HELZ2: variants seen among roughly 807,000 people sequenced by gnomAD.
HELZ2 encodes the protein helicase with zinc finger 2.
In HELZ2, 143 loss-of-function variants were observed where a neutral mutation model predicts 208.8. The ratio of observed to expected loss-of-function variants is 0.68; its 90% CI spans 0.60 to 0.79. The LOEUF is 0.79. HELZ2 is among the 30% of genes least tolerant of loss of function. HELZ2 has a pLI of 0.00. For synonymous variants in HELZ2, 1,705 were observed against 1,693.7 expected (o/e 1.01, Z -0.16); for missense variants, 3,690 against 3,794.5 (o/e 0.97, Z 0.72).
chr20:63,563,375 G>C, exon 8 of HELZ2: 3 of 1,537,208 alleles, frequency 2.0e-6, no homozygotes, highest in Non-Finnish European at 1.7e-6. Flanking sequence ...GTGTGGGTCC[G>C]GCACAGTGCC....
At chr20:63,572,581 C>T (rs2083026139), upstream of HELZ2, 1 of 585,114 alleles carries the variant, frequency 1.7e-6, no homozygotes, top group East Asian at 3.0e-5. Flanking sequence ...CAGGGCACTG[C>T]CCCTGGGGGT....
At position 63,563,748 on chromosome 20, in the gene HELZ2, C is replaced by G; in HGVS notation, c.5074G>C (p.Gly1692Arg). The G allele has an allele frequency of 1.2e-6, 2 of 1,600,862 alleles. No individual in the cohort carries two copies. The highest frequency in any genetic ancestry group is 1.7e-4 in the Middle Eastern group (1 of 6,048). Residue 1692 changes from glycine (G) to arginine (R), a missense_variant, in exon 8 of 19, where the codon GGC becomes CGC. By Grantham distance (125) the Gly-to-Arg change is moderately radical (BLOSUM62 -2). This residue lies in a region of HELZ2 where 2,564 missense variants were observed against 2,580.5 expected (regional missense o/e 0.99). Transcript: ENST00000467148. ...GCAGAGTAGGCAGAGCCCCCATGGC[C>G]CAGCGCCAGCAGGATCTGCCGCTGC...
chr20:63,570,965 G>T, intron 1 of HELZ2, 97 bp from the exon 3 acceptor site: 1 of 957,558 alleles, frequency 1.0e-6, no homozygotes. Flanking sequence ...GCCTCTGTAG[G>T]GAGCAGGGGC....
chr20:63,571,050 T>C (rs2083011428), intron 1 of HELZ2, 182 bp from the exon 3 acceptor site: 1 of 555,548 alleles, frequency 1.8e-6, no homozygotes, highest in Non-Finnish European at 3.2e-6. Flanking sequence ...GAACCTCCCT[T>C]ATCCGGGTCC....
intron 16 of HELZ2, 74 bp from the exon 18 acceptor site, chr20:63,560,401 T>C: frequency 6.3e-7 from 1 of 1,586,166 alleles, no homozygotes; most frequent in Non-Finnish European, 8.5e-7. Context: ...CCTCCCTGAC[T>C]CACAAGCACC....
In HELZ2 at chr20:63,563,316, C is replaced by T. The variant is rs1347345323; in HGVS notation, c.5506G>A (p.Glu1836Lys). 3.9e-6 allele frequency: 6 copies of T among 1,542,194 alleles called. No homozygotes were observed. The East Asian group carries it at 1.5e-4, about 37-fold the overall frequency. Reference sequence around the variant, plus strand: ...GCCGCCTCCGGCCAGCGCTGCAGCTCCACCAGCTCCAGCAGCTGCTTCCAC... The same window carrying T: ...GCCGCCTCCGGCCAGCGCTGCAGCTTCACCAGCTCCAGCAGCTGCTTCCAC... The change falls in exon 8 of 19, where the codon GAG (glutamate) becomes AAG (lysine). Residue 1836 changes from glutamate (E) to lysine (K), a missense_variant. Physicochemically the swap from Glu to Lys is moderately conservative, Grantham distance 56 (BLOSUM62 1). Around this residue, in one of 3 missense-constraint regions of HELZ2, gnomAD observed 2,564 missense variants for 2,580.5 expected, o/e 0.99. Coordinates refer to ENST00000467148, the Ensembl canonical transcript of HELZ2.
At chr20:63,559,212 C>A in exon 19 of HELZ2, 1 of 1,491,418 alleles carries the variant, frequency 6.7e-7, no homozygotes, top group Non-Finnish European at 9.0e-7. Context: ...ACTTTCCCTC[C>A]CAGTCCTGGC....
At chr20:63,565,520 G>T (rs1284621382) in exon 8 of HELZ2, 1 of 1,606,648 alleles carries the variant, frequency 6.2e-7, no homozygotes, top group Non-Finnish European at 8.5e-7. Flanking sequence ...CAGGGACTCG[G>T]GCCTGGCGAC....
exon 10 of HELZ2, chr20:63,562,160 G>A (rs376284802): frequency 2.2e-5 from 36 of 1,611,704 alleles, no homozygotes; most frequent in Admixed American, 1.0e-4. Context: ...GGCGGCCTCC[G>A]GGGATGTTGT....
intron 16 of HELZ2, 38 bp from the exon 18 acceptor site, chr20:63,560,365 GTC>G (rs1452047095): frequency 6.6e-7 from 1 of 1,513,996 alleles, no homozygotes; most frequent in Non-Finnish European, 8.8e-7. Flanking sequence ...GGACCCTGGT[GTC>G]TCTCCTGCCC....
At position 63,567,637 on chromosome 20, in the gene HELZ2, G is replaced by T; in HGVS notation, c.1731-10C>A. ...GTAGATGTCGGCGGCACTGCGGGAG[G>T]GGGAGGAGCTCATGGGCTTCTTGCT... On this transcript the variant is annotated splice_polypyrimidine_tract_variant and intron_variant, in intron 5 of 18. Coordinates refer to ENST00000467148, the Ensembl canonical transcript of HELZ2. 1 of 1,596,638 alleles carries T rather than the reference G, an allele frequency of 6.3e-7. No individual in the cohort carries two copies. The highest frequency in any genetic ancestry group is 8.5e-7 in the Non-Finnish European group (1 of 1,174,024).
chr20:63,562,951 C>A, exon 8 of HELZ2: 2 of 1,590,260 alleles, frequency 1.3e-6, no homozygotes, highest in Non-Finnish European at 1.7e-6. Context: ...TCTCGGCAAC[C>A]GCGCCGGTGG....
rs778319946 is a variant in HELZ2, at chr20:63,561,069, C to G, written c.7146+13G>C. The G allele has an allele frequency of 2.5e-6, 4 of 1,605,976 alleles. No homozygotes were observed. Among genetic ancestry groups the G allele is most frequent in the South Asian group, 1.1e-5 (1 of 90,270 alleles). On this transcript the variant is annotated intron_variant, in intron 14 of 18. Coordinates refer to ENST00000467148, the Ensembl canonical transcript of HELZ2. ...ACGCCTGCTCATGCTGCCCACACCC[C>G]CCGCCGACCAACCTTCTCGGCCTGT...
chr20:63,571,141 TACG>T (rs2083011967), intron 1 of HELZ2: 5 of 423,430 alleles, frequency 1.2e-5, no homozygotes, highest in Non-Finnish European at 2.1e-5. Flanking sequence ...TGGCTCTGCC[TACG>T]GTGGGCTCCT....
At position 63,559,340 on chromosome 20, in the gene HELZ2, A is replaced by AG; in HGVS notation, c.7855dup (p.Leu2619ProfsTer4). On this transcript the variant is annotated frameshift_variant, in exon 19 of 19. Transcript: ENST00000467148. LOFTEE classifies it low-confidence loss of function (END_TRUNC). Reference sequence around the variant, plus strand: ...GCAGAAGTCCAGGAGGCTACGCCAGAGGGGGCAGCAGCGCAGAAGGAGGTG... The same window carrying AG: ...GCAGAAGTCCAGGAGGCTACGCCAGAGGGGGGCAGCAGCGCAGAAGGAGGTG... 6.2e-7 allele frequency: 1 copy of AG among 1,602,110 alleles called. No homozygotes were observed. The highest frequency in any genetic ancestry group is 1.1e-5 in the South Asian group (1 of 89,928).
At chr20:63,565,960 A>C (rs759272766) in exon 8 of HELZ2, 1 of 1,598,034 alleles carries the variant, frequency 6.3e-7, no homozygotes, top group Non-Finnish European at 8.5e-7. Context: ...TCTGCGCCAC[A>C]CCCTGCTCGA....
chr20:63,559,009 G>A (rs553070918), downstream of HELZ2: 48 of 466,654 alleles, frequency 1.0e-4, no homozygotes, highest in African/African-American at 8.7e-4. Flanking sequence ...TCCCAAGGAA[G>A]CCCCTCTTGG....
chr20:63,565,673 T>C (rs2082945835), exon 8 of HELZ2: 5 of 1,609,374 alleles, frequency 3.1e-6, no homozygotes, highest in Non-Finnish European at 4.2e-6. Flanking sequence ...CTCCGTGGAC[T>C]CCACGCCCGC....
chr20:63,561,495 C>T, intron 12 of HELZ2, 29 bp from the exon 14 acceptor site: 1 of 1,586,202 alleles, frequency 6.3e-7, no homozygotes, highest in South Asian at 1.1e-5. Context: ...TGAGCCCTGT[C>T]CACGCAGGGC....
Sources: allele counts gnomAD v4.1 joint callset, GRCh38; gene constraint gnomAD v4.1.1; regional missense constraint gnomAD v4.1.1; transcripts MANE v1.5; gene names NCBI Gene and HGNC (gene_info 2026-07-23, HGNC 2026-07-21).